BANP: variants seen among roughly 807,000 people sequenced by gnomAD.
BANP encodes protein BANP.
BANP carries 11 observed loss-of-function variants against 68.1 expected under a neutral mutation model. That is an observed-to-expected ratio of 0.16 (90% confidence interval 0.10 to 0.27). The LOEUF is 0.27. Among genes scored for constraint, BANP ranks in the 10% least tolerant of loss-of-function variants. The pLI, the probability that BANP is intolerant of heterozygous loss-of-function variation, is 1.00. For missense variants in BANP, 504 were observed against 722.7 expected (o/e 0.70, Z 3.47); for synonymous variants, 329 against 303.2 (o/e 1.09, Z -0.88).
At chr16:87,978,709 T>C (rs749201911) in intron 2 of BANP, 34 of 466,986 alleles carry the variant, frequency 7.3e-5, no homozygotes, top group Non-Finnish European at 1.2e-4. Context: ...AGCTTAAAGT[T>C]TTTAACAGTA....
intron 6 of BANP, among the ~76,000 whole-genome samples, chr16:88,007,349 C>T (rs1842812574): frequency 6.6e-6 from 1 of 152,166 alleles, no homozygotes; most frequent in South Asian, 2.1e-4. Context: ...TTGCCCATTT[C>T]CCCCGAGATC....
chr16:88,034,140 C>T (rs116744641), intron 9 of BANP, among the ~76,000 whole-genome samples: 121 of 152,268 alleles, frequency 7.9e-4, no homozygotes, highest in African/African-American at 2.9e-3. Flanking sequence ...GGAAGGCTTC[C>T]GGAAAATTCT....
intron 6 of BANP, among the ~76,000 whole-genome samples, chr16:88,015,016 C>T (rs1344950006): frequency 6.6e-6 from 1 of 151,620 alleles, no homozygotes; most frequent in Non-Finnish European, 1.5e-5. Context: ...CGTCCCTCTG[C>T]CTGTGCCCCC....
chr16:87,959,148 G>A (rs2058645325), intron 1 of BANP, among the ~76,000 whole-genome samples: 1 of 152,224 alleles, frequency 6.6e-6, no homozygotes, highest in Admixed American at 6.5e-5. Context: ...AGTGTTTCTG[G>A]CCTTGTGGGG....
chr16:87,962,253 AAAAG>A (rs1263665742), intron 1 of BANP, among the ~76,000 whole-genome samples: 12 of 147,822 alleles, frequency 8.1e-5, no homozygotes, highest in South Asian at 2.1e-4. Context: ...AAAAAAAAAA[AAAAG>A]AAAGCACATT....
intron 7 of BANP, among the ~76,000 whole-genome samples, chr16:88,022,291 G>C (rs893905370): frequency 2.6e-5 from 4 of 152,158 alleles, no homozygotes; most frequent in Non-Finnish European, 5.9e-5. Flanking sequence ...GGATCTGAGG[G>C]CTTTTCTAAA....
intron 4 of BANP, among the ~76,000 whole-genome samples, chr16:87,986,648 C>G (rs1445131514): frequency 6.6e-6 from 1 of 152,210 alleles, no homozygotes; most frequent in African/African-American, 2.4e-5. Flanking sequence ...GTAACAGTGT[C>G]TGTGCTCATG....
intron 13 of BANP, among the ~76,000 whole-genome samples, chr16:88,072,560 G>T (rs2090612081): frequency 6.6e-6 from 1 of 152,218 alleles, no homozygotes; most frequent in Non-Finnish European, 1.5e-5. Context: ...AGAGCTCCCT[G>T]CCCCACTCGT....
At chr16:88,035,177 C>T in intron 9 of BANP, 146 bp from the exon 10 acceptor site, 2 of 770,568 alleles carry the variant, frequency 2.6e-6, no homozygotes, top group Non-Finnish European at 4.3e-6. Flanking sequence ...AAAGAAGTGA[C>T]CACAGACTAT....
At chr16:87,968,226 A>G (rs1385819351) in intron 1 of BANP, among the ~76,000 whole-genome samples, 4 of 151,662 alleles carry the variant, frequency 2.6e-5, no homozygotes, top group Admixed American at 6.6e-5. Context: ...GCTCACCCCT[A>G]TAATCCCAGC....
intron 4 of BANP, among the ~76,000 whole-genome samples, chr16:87,986,340 G>T (rs917480320): frequency 6.6e-6 from 1 of 152,180 alleles, no homozygotes; most frequent in South Asian, 2.1e-4. Flanking sequence ...GACAAAATTG[G>T]TCGTTAGATT....
In BANP at chr16:88,071,518, C is replaced by T. The variant is rs763548857; in HGVS notation, c.1378-551C>T. ...GCCACCAGGACTCACTTCCGCCCAT[C>T]TTGGAACTGGGCCTCACTTTCCTGC... On this transcript the variant is annotated intron_variant, in intron 12 of 13. Transcript: ENST00000682872. The surrounding 1 kb of genome is among the most constrained non-coding windows in gnomAD (Gnocchi z 6.5). 2.2e-6 allele frequency: 1 copy of T among 456,504 alleles called. No homozygotes were observed. Among genetic ancestry groups the T allele is most frequent in the South Asian group, 1.5e-5 (1 of 64,566 alleles). The allele number at this position is 456,504 out of a possible 1,614,324, so 28.3% of individuals were successfully genotyped here. A position where few individuals can be genotyped will look rare whatever the true frequency, so the allele number is the denominator to read the frequency against.
chr16:88,035,449 C>T, intron 10 of BANP, 55 bp downstream of exon 10: 1 of 1,489,378 alleles, frequency 6.7e-7, no homozygotes, highest in Non-Finnish European at 9.2e-7. Flanking sequence ...CCACATGCTC[C>T]CGACCTTCAT....
intron 4 of BANP, among the ~76,000 whole-genome samples, chr16:87,998,668 G>A (rs1184753066): frequency 6.7e-6 from 1 of 148,876 alleles, no homozygotes; most frequent in Admixed American, 6.7e-5. Context: ...ACATCTCCAT[G>A]CATGCACGTG....
In BANP at chr16:88,036,125, GGCA is replaced by G. The variant is rs2079289955; in HGVS notation, c.1272+739_1272+741del. 6.6e-6 allele frequency among the ~76,000 whole-genome samples: 1 copy of G among 152,264 alleles called. No individual in the cohort carries two copies. Among genetic ancestry groups the G allele is most frequent in the South Asian group, 2.1e-4 (1 of 4,834 alleles). ...ACTCTGGGCTGTTTCCTGCAGCACA[GGCA>G]GCAGCAGGCACAGGGCACTAAGCAG... On this transcript the variant is annotated intron_variant, in intron 10 of 13. Coordinates refer to ENST00000682872, the MANE Select transcript of BANP (RefSeq NM_001386991.1). The surrounding 1 kb of genome is among the most constrained non-coding windows in gnomAD (Gnocchi z 4.2).
At chr16:87,951,986 A>C (rs1597623206) in intron 1 of BANP, among the ~76,000 whole-genome samples, 2 of 151,650 alleles carry the variant, frequency 1.3e-5, no homozygotes, top group East Asian at 3.9e-4. Flanking sequence ...GTGGCTGTGG[A>C]CCGGAGCCCC....
chr16:87,973,771 A>AG (rs369976869), intron 1 of BANP, among the ~76,000 whole-genome samples: 7 of 107,068 alleles, frequency 6.5e-5, no homozygotes, highest in African/African-American at 1.5e-4. Flanking sequence ...AAAAAAAAAA[A>AG]AAAGAAAAAA....
chr16:88,047,346 C>T (rs1354854661), intron 11 of BANP, among the ~76,000 whole-genome samples: 2 of 152,186 alleles, frequency 1.3e-5, no homozygotes, highest in African/African-American at 4.8e-5. Context: ...CCCCACATCT[C>T]CGTTAGGTAG....
chr16:87,958,910 C>T (rs2058601676), intron 1 of BANP, among the ~76,000 whole-genome samples: 1 of 152,220 alleles, frequency 6.6e-6, no homozygotes, highest in South Asian at 2.1e-4. Flanking sequence ...TGCGTGGAGG[C>T]TTCGGGATCC....
Sources: allele counts gnomAD v4.1 joint callset (sites outside exome capture counted in the v4.1 genomes callset), GRCh38; gene constraint gnomAD v4.1.1; non-coding constraint Gnocchi (gnomAD v3.1); transcripts MANE v1.5; gene names NCBI Gene and HGNC (gene_info 2026-07-23, HGNC 2026-07-21).